Variants in RALGAPA2 observed in about 807,000 individuals in gnomAD.
RALGAPA2 encodes the protein Ral GTPase activating protein catalytic subunit alpha 2.
RALGAPA2 carries 139 observed loss-of-function variants against 230.4 expected under a neutral mutation model. The ratio of observed to expected loss-of-function variants is 0.60; its 90% CI spans 0.53 to 0.69. The LOEUF is 0.69. Ranked by LOEUF, RALGAPA2 falls within the 30% of genes least tolerant of loss-of-function variation. The probability of loss-of-function intolerance (pLI) is 0.00; values close to 1 mark genes in which losing one functional copy is unlikely to be tolerated. For missense variants in RALGAPA2, 2,163 were observed against 2,276.0 expected (o/e 0.95, Z 1.01); for synonymous variants, 847 against 837.8 (o/e 1.01, Z -0.19).
At chr20:20,546,422 A>T (rs1243729498) in intron 24 of RALGAPA2, among the ~76,000 whole-genome samples, 1 of 152,214 alleles carries the variant, frequency 6.6e-6, no homozygotes, top group Non-Finnish European at 1.5e-5. Flanking sequence ...AATGCTAATA[A>T]TATTCTAAGA....
chr20:20,465,958 G>A (rs1187375531), intron 37 of RALGAPA2, among the ~76,000 whole-genome samples: 1 of 152,248 alleles, frequency 6.6e-6, no homozygotes, highest in African/African-American at 2.4e-5. Context: ...GGGCCAGGCT[G>A]ATAATATACA....
At chr20:20,417,150 C>A (rs1224864915) in intron 37 of RALGAPA2, among the ~76,000 whole-genome samples, 2 of 152,238 alleles carry the variant, frequency 1.3e-5, no homozygotes, top group Non-Finnish European at 2.9e-5. Context: ...CCGAGTTCTG[C>A]TGCCACTGTT....
intron 4 of RALGAPA2, among the ~76,000 whole-genome samples, chr20:20,650,881 T>C (rs2067374389): frequency 6.6e-6 from 1 of 152,186 alleles, no homozygotes; most frequent in African/African-American, 2.4e-5. Flanking sequence ...TAATTACAAA[T>C]CCATAATCTC....
intron 3 of RALGAPA2, among the ~76,000 whole-genome samples, chr20:20,670,949 CAAA>C (rs576675004): frequency 1.3e-4 from 7 of 55,912 alleles, no homozygotes; most frequent in Admixed American, 2.0e-4. Context: ...GACTCCGTCT[CAAA>C]AAAAAAAAAA....
intron 15 of RALGAPA2, among the ~76,000 whole-genome samples, chr20:20,602,744 C>T (rs1397745343): frequency 5.9e-5 from 9 of 152,114 alleles, no homozygotes. Flanking sequence ...AAGTTGTTTG[C>T]CTTCCTAAGA....
chr20:20,507,976 C>T (rs2062583497), intron 33 of RALGAPA2, among the ~76,000 whole-genome samples: 1 of 152,160 alleles, frequency 6.6e-6, no homozygotes, highest in Non-Finnish European at 1.5e-5. Context: ...ACTTTACATA[C>T]ATAAAAACAG....
intron 20 of RALGAPA2, among the ~76,000 whole-genome samples, chr20:20,582,449 T>C (rs574313470): frequency 1.3e-5 from 2 of 152,102 alleles, no homozygotes; most frequent in Non-Finnish European, 2.9e-5. Flanking sequence ...GTTAAAAAAG[T>C]TGCAAAAAAT....
At chr20:20,586,098 AG>A (rs1422860783) in intron 18 of RALGAPA2, among the ~76,000 whole-genome samples, 2 of 152,240 alleles carry the variant, frequency 1.3e-5, no homozygotes, top group African/African-American at 4.8e-5. Flanking sequence ...GTTAAAAAAC[AG>A]AATGTAGACT....
intron 13 of RALGAPA2, among the ~76,000 whole-genome samples, chr20:20,615,257 T>C (rs1161897688): frequency 1.3e-5 from 2 of 149,516 alleles, no homozygotes; most frequent in Non-Finnish European, 3.0e-5. Flanking sequence ...GCCTTCCGGG[T>C]TCAAGCGATT....
At chr20:20,440,282 G>GT (rs372813444) in intron 37 of RALGAPA2, among the ~76,000 whole-genome samples, 41 of 152,174 alleles carry the variant, frequency 2.7e-4, no homozygotes, top group African/African-American at 9.9e-4. Context: ...CCAAAATAAA[G>GT]TTTTTTGTAT....
intron 24 of RALGAPA2, among the ~76,000 whole-genome samples, chr20:20,543,403 T>A (rs1276517589): frequency 6.6e-6 from 1 of 152,152 alleles, no homozygotes; most frequent in Non-Finnish European, 1.5e-5. Flanking sequence ...GGATTATAAA[T>A]CATGCTGCTA....
intron 38 of RALGAPA2, among the ~76,000 whole-genome samples, chr20:20,400,237 G>T (rs1259015748): frequency 6.6e-6 from 1 of 152,230 alleles, no homozygotes; most frequent in African/African-American, 2.4e-5. Context: ...CCCAAGGATG[G>T]CTTCCAGTAT....
intron 37 of RALGAPA2, among the ~76,000 whole-genome samples, chr20:20,458,922 G>C (rs961904832): frequency 7.2e-6 from 1 of 138,642 alleles, no homozygotes; most frequent in Non-Finnish European, 1.5e-5. Flanking sequence ...TACAACAACT[G>C]ATCTCACATC....
At chr20:20,465,548 G>A (rs1225786293) in intron 37 of RALGAPA2, among the ~76,000 whole-genome samples, 4 of 152,126 alleles carry the variant, frequency 2.6e-5, no homozygotes, top group East Asian at 1.9e-4. Flanking sequence ...GAAGAATGAG[G>A]CTGTTCCTGA....
At chr20:20,572,521 T>G (rs1314574316) in intron 21 of RALGAPA2, among the ~76,000 whole-genome samples, 1 of 152,078 alleles carries the variant, frequency 6.6e-6, no homozygotes, top group Non-Finnish European at 1.5e-5. Context: ...ATATTAATAT[T>G]GGCTATTTCT....
At chr20:20,544,821 G>A (rs1483792470) in intron 24 of RALGAPA2, among the ~76,000 whole-genome samples, 2 of 151,410 alleles carry the variant, frequency 1.3e-5, no homozygotes. Context: ...GCTGAACAAT[G>A]AGAACATATG....
chr20:20,617,683 A>G (rs897515030), intron 12 of RALGAPA2, among the ~76,000 whole-genome samples: 3 of 152,220 alleles, frequency 2.0e-5, no homozygotes, highest in African/African-American at 7.2e-5. Context: ...TAAGGTAAAA[A>G]TAAACCAAAT....
At chr20:20,694,175 G>C (rs1429082477) in intron 1 of RALGAPA2, among the ~76,000 whole-genome samples, 2 of 151,926 alleles carry the variant, frequency 1.3e-5, no homozygotes, top group Non-Finnish European at 1.5e-5. Context: ...GAGGTTAAGG[G>C]AAGCATGCCT....
At chr20:20,654,683 G>C (rs2067525557) in intron 3 of RALGAPA2, among the ~76,000 whole-genome samples, 1 of 152,204 alleles carries the variant, frequency 6.6e-6, no homozygotes, top group Admixed American at 6.5e-5. Context: ...CAACTACAGT[G>C]AATAATGCTG....
Sources: allele counts gnomAD v4.1 joint callset (sites outside exome capture counted in the v4.1 genomes callset), GRCh38; gene constraint gnomAD v4.1.1; transcripts MANE v1.5; gene names NCBI Gene and HGNC (gene_info 2026-07-23, HGNC 2026-07-21).